Variants in ANGPT2 observed in about 807,000 individuals in gnomAD.
ANGPT2 encodes the protein angiopoietin-2.
In ANGPT2, 28 loss-of-function variants were observed where a neutral mutation model predicts 62.9. The observed-to-expected ratio is 0.44, with a 90% CI of 0.33 to 0.61. The LOEUF (loss-of-function observed/expected upper bound fraction) is 0.61. Ranked by LOEUF, ANGPT2 falls within the 20% of genes least tolerant of loss-of-function variation. The pLI, the probability that ANGPT2 is intolerant of heterozygous loss-of-function variation, is 0.03. For synonymous variants in ANGPT2, 284 were observed against 207.8 expected (o/e 1.37, Z -3.15); for missense variants, 727 against 594.9 (o/e 1.22, Z -2.31).
chr8:6,531,934 G>C (rs1247884394), intron 2 of ANGPT2, among the ~76,000 whole-genome samples: 1 of 152,212 alleles, frequency 6.6e-6, no homozygotes, highest in Non-Finnish European at 1.5e-5. Flanking sequence ...TTTAAGGCCA[G>C]AGTTTCTAGC....
In ANGPT2 at chr8:6,514,786, C is replaced by G. The variant is rs765308460; in HGVS notation, c.928-8G>C. On this transcript the variant is annotated splice_region_variant and splice_polypyrimidine_tract_variant and intron_variant, in intron 5 of 8. Transcript: ENST00000629816. ...TTCCATGTCACAGTAGGCCTGCAAA[C>G]AGGAATGCAGGGTATAAGTGACAGA... is the stretch of plus-strand genomic sequence containing the variant. 3 of 1,613,058 alleles carry G rather than the reference C, an allele frequency of 1.9e-6. No homozygotes were observed. Among genetic ancestry groups the G allele is most frequent in the Admixed American group, 3.3e-5 (2 of 59,976 alleles).
chr8:6,562,386 G>C (rs1402963981), intron 1 of ANGPT2, among the ~76,000 whole-genome samples: 1 of 151,956 alleles, frequency 6.6e-6, no homozygotes, highest in African/African-American at 2.4e-5. Context: ...TGTTAATAAA[G>C]ATTTCTAACT....
chr8:6,530,612 C>A (rs1819311714), intron 2 of ANGPT2, among the ~76,000 whole-genome samples: 1 of 150,578 alleles, frequency 6.6e-6, no homozygotes, highest in Non-Finnish European at 1.5e-5. Context: ...ACTTTTAAAT[C>A]TTTAGTTTTT....
In ANGPT2 at chr8:6,514,766, T is replaced by C; in HGVS notation, c.940A>G (p.Met314Val). The C allele has an allele frequency of 6.2e-7, 1 of 1,614,016 alleles. No homozygotes were observed. Among genetic ancestry groups the C allele is most frequent in the Non-Finnish European group, 8.5e-7 (1 of 1,179,980 alleles). The part of the protein sequence containing the change: ...STEEIKAYCD[M>V]EAGGGGWTII... ...GTCCACCCGCCTCCTCCAGCTTCCA[T>C]GTCACAGTAGGCCTGCAAACAGGAA... is the stretch of plus-strand genomic sequence containing the variant. Residue 314 changes from methionine to valine, a missense_variant, in exon 6 of 9, where the codon ATG (methionine) becomes GTG (valine). Coordinates refer to ENST00000629816, the MANE Select transcript of ANGPT2 (RefSeq NM_001118887.2).
intron 8 of ANGPT2, among the ~76,000 whole-genome samples, chr8:6,503,481 T>C (rs1398644047): frequency 1.3e-5 from 2 of 152,204 alleles, no homozygotes; most frequent in African/African-American, 4.8e-5. Flanking sequence ...TTACAAGCCT[T>C]CTTCCACCTT....
At chr8:6,551,690 A>G (rs546484491) in intron 1 of ANGPT2, among the ~76,000 whole-genome samples, 100 of 152,352 alleles carry the variant, frequency 6.6e-4, no homozygotes, top group African/African-American at 2.3e-3. Flanking sequence ...AAAGTTGGAA[A>G]AGTTTAAGGA....
chr8:6,521,062 A>T (rs1817242394), intron 4 of ANGPT2, 116 bp downstream of exon 4: 4 of 695,508 alleles, frequency 5.8e-6, no homozygotes, highest in African/African-American at 1.8e-5. Flanking sequence ...TAGATATTTC[A>T]TATGAAATAT....
At position 6,508,579 on chromosome 8, in the gene ANGPT2, G is replaced by T. The variant is rs1814269523; in HGVS notation, c.1327+353C>A. 7.0e-6 allele frequency: 3 copies of T among 428,478 alleles called. No homozygotes were observed. The East Asian group carries it at 1.2e-4, about 17-fold the overall frequency. The allele number at this position is 428,478 out of a possible 1,614,324, so 26.5% of individuals were successfully genotyped here. On this transcript the variant is annotated intron_variant, in intron 8 of 8. Transcript: ENST00000629816. ...TATATTACTGTTGTGGTTGCTACTT[G>T]GAATTTTTAACTTTTTACATAAAGC...
chr8:6,546,793 A>G (rs2442595), intron 1 of ANGPT2, among the ~76,000 whole-genome samples: 137,805 of 152,246 alleles, frequency 0.91, 63,045 homozygotes, highest in East Asian at 0.99. Context: ...CCCCAATCCA[A>G]GTATTGCCTT....
Position 6,527,571 on chromosome 8 carries a change from A to G in ANGPT2, c.550T>C (p.Leu184=), listed in dbSNP as rs754757049. The change falls in exon 3 of 9, where the codon TTG becomes CTG. Residue 184 remains leucine, a synonymous_variant. Coordinates refer to ENST00000629816, the MANE Select transcript of ANGPT2 (RefSeq NM_001118887.2). ...TGTTATTACCTGTTCTTATCTTGCAATTTGTTTATTTCACTGGTCTGGTCC... is the reference window on the plus strand; with the variant it reads ...TGTTATTACCTGTTCTTATCTTGCAGTTTGTTTATTTCACTGGTCTGGTCC... ...ILDQTSEINK[L]QDKNSFLEKK... 3.7e-6 allele frequency: 6 copies of G among 1,613,810 alleles called. No individual in the cohort carries two copies. Among genetic ancestry groups the G allele is most frequent in the South Asian group, 3.3e-5 (3 of 91,044 alleles).
At chr8:6,524,537 G>C (rs1307510559) in intron 3 of ANGPT2, among the ~76,000 whole-genome samples, 2 of 152,208 alleles carry the variant, frequency 1.3e-5, no homozygotes, top group Non-Finnish European at 2.9e-5. Context: ...GTTTCACTGA[G>C]TGATAGTTGG....
chr8:6,554,604 T>C (rs1824265064), intron 1 of ANGPT2, among the ~76,000 whole-genome samples: 1 of 152,198 alleles, frequency 6.6e-6, no homozygotes, highest in Non-Finnish European at 1.5e-5. Context: ...AATAGTAAAA[T>C]ATTAAATATC....
At chr8:6,506,645 C>T (rs1449375223) in intron 8 of ANGPT2, among the ~76,000 whole-genome samples, 1 of 152,086 alleles carries the variant, frequency 6.6e-6, no homozygotes, top group South Asian at 2.1e-4. Flanking sequence ...GATGATTGTG[C>T]CAGGATGAAG....
At position 6,510,236 on chromosome 8, in the gene ANGPT2, A is replaced by G. The variant is rs116055180; in HGVS notation, c.1197-1174T>C. 3.0e-3 allele frequency among the ~76,000 whole-genome samples: 450 copies of G among 151,972 alleles called. 2 individuals carry two copies. The highest frequency in any genetic ancestry group is 0.011 in the African/African-American group (438 of 41,416). On this transcript the variant is annotated intron_variant, in intron 7 of 8. Coordinates refer to ENST00000629816, the MANE Select transcript of ANGPT2 (RefSeq NM_001118887.2). ...AGCTTCTTGGCAGATGGTTCAGGAC[A>G]GATCAGAGCAGGCATTCACGTAATG...
rs571386064 is a variant in ANGPT2, at chr8:6,511,674, T to C, written c.1196+2004A>G. Among the ~76,000 whole-genome samples the C allele has an allele frequency of 2.6e-5, 4 of 152,302 alleles. No individual in the cohort carries two copies. The South Asian group carries it at 6.2e-4, about 24-fold the overall frequency. On this transcript the variant is annotated intron_variant, in intron 7 of 8. Coordinates refer to ENST00000629816, the MANE Select transcript of ANGPT2 (RefSeq NM_001118887.2). Reference sequence around the variant, plus strand: ...GCATCATGTTTTATTAGGATAATAATTTTCGATGTAATATCTATTTTATCT... The same window carrying C: ...GCATCATGTTTTATTAGGATAATAACTTTCGATGTAATATCTATTTTATCT...
chr8:6,557,471 C>T (rs1007719011), intron 1 of ANGPT2, among the ~76,000 whole-genome samples: 29 of 151,988 alleles, frequency 1.9e-4, no homozygotes, highest in Admixed American at 1.9e-3. Flanking sequence ...GTCTTTATAT[C>T]AGAATAATTC....
In ANGPT2 at chr8:6,499,761, A is replaced by G. The variant is rs1269691283; in HGVS notation, c.*3340T>C. The G allele has an allele frequency of 3.7e-6, 4 of 1,090,678 alleles. No homozygotes were observed. The East Asian group carries it at 9.4e-5, about 26-fold the overall frequency. 67.6% of individuals were successfully genotyped at this position (1,090,678 alleles called of 1,614,324 possible). On this transcript the variant is annotated 3_prime_UTR_variant, in exon 9 of 9. Coordinates refer to ENST00000629816, the MANE Select transcript of ANGPT2 (RefSeq NM_001118887.2). ...CTATTTCAGATCTGCGGAGTGTATC[A>G]CTTTTTGCTGTGTCTTCAAAGTGAT...
In ANGPT2 at chr8:6,524,148, G is replaced by A. The variant is rs1817900864; in HGVS notation, c.567-2738C>T. Among the ~76,000 whole-genome samples, 5 of 152,168 alleles carry A rather than the reference G, an allele frequency of 3.3e-5. No individual in the cohort carries two copies. The South Asian group carries it at 8.3e-4, about 25-fold the overall frequency. On this transcript the variant is annotated intron_variant, in intron 3 of 8. Transcript: ENST00000629816. ...TTCCAATATAAAGTTTAGTACACAT[G>A]AATTTGCACATTGCAGAGTTTTGTT...
intron 4 of ANGPT2, among the ~76,000 whole-genome samples, chr8:6,520,534 T>G (rs1817117786): frequency 6.6e-6 from 1 of 152,064 alleles, no homozygotes; most frequent in Non-Finnish European, 1.5e-5. Context: ...CAGCTGGGAT[T>G]TCAGGTGCCC....
Sources: gnomAD v4.1 joint callset for allele counts (sites outside exome capture counted in the v4.1 genomes callset) on GRCh38, gnomAD v4.1.1 for gene constraint, MANE v1.5 for transcripts, NCBI Gene and HGNC (gene_info 2026-07-23, HGNC 2026-07-21) for gene names.